Variants in UAP1L1 observed in about 807,000 individuals in gnomAD.
UAP1L1 encodes UDP-N-acetylhexosamine pyrophosphorylase-like protein 1.
UAP1L1 carries 45 observed loss-of-function variants against 45.3 expected under a neutral mutation model. The observed-to-expected ratio is 0.99, with a 90% CI of 0.78 to 1.27. The LOEUF (loss-of-function observed/expected upper bound fraction) is 1.27. Ranked by LOEUF, UAP1L1 falls within the 50% of genes most tolerant of loss-of-function variation. The pLI is 0.00. For synonymous variants in UAP1L1, 323 were observed against 303.9 expected (o/e 1.06, Z -0.65); for missense variants, 667 against 694.0 (o/e 0.96, Z 0.44).
Position 137,079,041 on chromosome 9 carries a change from G to A in UAP1L1, c.736G>A (p.Gly246Arg). The A allele has an allele frequency of 6.2e-7, 1 of 1,607,968 alleles. No individual in the cohort carries two copies. The change falls in exon 4 of 9, where the codon GGA (glycine) becomes AGA (arginine). Residue 246 changes from glycine to arginine, a missense_variant. Transcript: ENST00000409858. ...GATCCTGGAGGACATGGAGCGCCGG[G>A]GAGTGGAGTTTGTGCACGTGTACTG... ...HKILEDMERR[G>R]VEFVHVYCVD...
rs201606060 is a variant in UAP1L1 at position 137,082,101 on chromosome 9, T to A, written c.1431+37T>A. The stretch of plus-strand genomic sequence containing the variant: ...CCATCCCTATCTGGGGCTTTTCTGG[T>A]GTCAGGTTTGGAATACCATCTGGGG... On this transcript the variant is annotated intron_variant, in intron 8 of 8. Coordinates refer to ENST00000409858, the MANE Select transcript of UAP1L1 (RefSeq NM_207309.3). This position sits in a 1 kb window ranked among gnomAD's most constrained non-coding sequence, Gnocchi z 5.7. 2.5e-4 allele frequency: 398 copies of A among 1,606,938 alleles called. 1 individual carries two copies. The African/African-American group carries it at 5.1e-3, about 21-fold the overall frequency.
rs1437076858 is a variant in UAP1L1, at chr9:137,082,995, A to G, written c.*266A>G. 8.6e-6 allele frequency: 4 copies of G among 463,026 alleles called. No homozygotes were observed. The highest frequency in any genetic ancestry group is 7.8e-5 in the African/African-American group (4 of 51,178). 28.7% of individuals were successfully genotyped at this position (463,026 alleles called of 1,614,324 possible). A position where few individuals can be genotyped will look rare whatever the true frequency, so the allele number is the denominator to read the frequency against. On this transcript the variant is annotated 3_prime_UTR_variant, in exon 9 of 9. Coordinates refer to ENST00000409858, the MANE Select transcript of UAP1L1 (RefSeq NM_207309.3). This position sits in a 1 kb window ranked among gnomAD's most constrained non-coding sequence, Gnocchi z 5.7. ...AGCCTGCTGGGGGCTCTGTGGCTCCATTCCTGGCTGTGGGGTCTAGTCAAG... is the reference window on the plus strand; with the variant it reads ...AGCCTGCTGGGGGCTCTGTGGCTCCGTTCCTGGCTGTGGGGTCTAGTCAAG...
At chr9:137,078,834 A>G in intron 3 of UAP1L1, 142 bp from the exon 4 acceptor site, 1 of 1,302,226 alleles carries the variant, frequency 7.7e-7, no homozygotes, top group Middle Eastern at 2.7e-4. Context: ...GTCACATGGT[A>G]CACCAACTGG....
At chr9:137,079,667 C>T (rs1048420065) in intron 5 of UAP1L1, 5 of 595,146 alleles carry the variant, frequency 8.4e-6, no homozygotes, top group Non-Finnish European at 1.5e-5. Flanking sequence ...CAGCAGGCAG[C>T]TGCTGTAAGG....
Position 137,079,153 on chromosome 9 carries a change from G to T in UAP1L1, c.843+5G>T. Reference sequence around the variant, plus strand: ...GGCGCAGACTGTGGCGCCAAGGTTAGCGCCCGACTGCGCGGCGCCCCGCAC... The same window carrying T: ...GGCGCAGACTGTGGCGCCAAGGTTATCGCCCGACTGCGCGGCGCCCCGCAC... On this transcript the variant is annotated splice_donor_5th_base_variant and intron_variant, in intron 4 of 8. Transcript: ENST00000409858. The T allele has an allele frequency of 6.2e-7, 1 of 1,606,466 alleles. No homozygotes were observed. Among genetic ancestry groups the T allele is most frequent in the African/African-American group, 1.3e-5 (1 of 74,806 alleles).
At chr9:137,078,820 A>G (rs913296198) in intron 3 of UAP1L1, 143 bp downstream of exon 3, 24 of 1,310,004 alleles carry the variant, frequency 1.8e-5, no homozygotes, top group Non-Finnish European at 2.4e-5. Context: ...CTTGATCGTC[A>G]TTTGTCACAT....
rs1410243512 is a variant in UAP1L1 at position 137,077,756 on chromosome 9, C to T, written c.224C>T (p.Pro75Leu). The T allele has an allele frequency of 2.4e-6, 3 of 1,252,948 alleles. No homozygotes were observed. The highest frequency in any genetic ancestry group is 4.1e-5 in the Admixed American group (1 of 24,130). 77.6% of individuals were successfully genotyped at this position (1,252,948 alleles called of 1,614,324 possible). A position where few individuals can be genotyped will look rare whatever the true frequency, so the allele number is the denominator to read the frequency against. Residue 75 changes from proline (P) to leucine (L), a missense_variant, in exon 1 of 9, where the codon CCC becomes CTC. Physicochemically the swap from Pro to Leu is moderately conservative, Grantham distance 98. Transcript: ENST00000409858. This position sits in a 1 kb window ranked among gnomAD's most constrained non-coding sequence, Gnocchi z 4.7. Reference protein sequence around the residue: ...PDLAARLRPLPPERVGRASRS... With the variant: ...PDLAARLRPLLPERVGRASRS... Reference sequence around the variant, plus strand: ...TTGGCCGCGCGCCTGCGGCCCCTGCCCCCAGAGCGCGTGGGCAGGGCCAGC... The same window carrying T: ...TTGGCCGCGCGCCTGCGGCCCCTGCTCCCAGAGCGCGTGGGCAGGGCCAGC...
rs546119850 is a variant in UAP1L1, at chr9:137,082,167, G to A, written c.1431+103G>A. 84 of 1,150,166 alleles carry A rather than the reference G, an allele frequency of 7.3e-5. No individual in the cohort carries two copies. The highest frequency in any genetic ancestry group is 1.4e-4 in the East Asian group (6 of 42,618). 71.2% of individuals were successfully genotyped at this position (1,150,166 alleles called of 1,614,324 possible). A position where few individuals can be genotyped will look rare whatever the true frequency, so the allele number is the denominator to read the frequency against. On this transcript the variant is annotated intron_variant, in intron 8 of 8. Transcript: ENST00000409858. This position sits in a 1 kb window ranked among gnomAD's most constrained non-coding sequence, Gnocchi z 5.7. ...GGTGGAGACGGCACAGCTCTACCTC[G>A]GTTAACCAATGGGGTCGGTGGTTTA...
Position 137,078,145 on chromosome 9 carries a change from C to G in UAP1L1, c.385C>G (p.Arg129Gly), listed in dbSNP as rs1447197826. The G allele has an allele frequency of 4.5e-6, 7 of 1,550,182 alleles. No homozygotes were observed. In the South Asian group the frequency reaches 7.1e-5, roughly 16 times the overall value. The part of the protein sequence containing the change: ...LGVTYPKGMY[R>G]VGLPSRKTLY... ...CGTGACCTACCCCAAGGGTATGTAC[C>G]GTGTGGGGCTGCCCAGCCGGAAGAC... The change falls in exon 2 of 9, where the codon CGT becomes GGT. Residue 129 changes from arginine (R) to glycine (G), a missense_variant. Coordinates refer to ENST00000409858, the MANE Select transcript of UAP1L1 (RefSeq NM_207309.3).
intron 5 of UAP1L1, 172 bp downstream of exon 5, chr9:137,079,621 A>G: frequency 1.6e-6 from 1 of 640,220 alleles, no homozygotes; most frequent in Non-Finnish European, 2.6e-6. Flanking sequence ...GAGCTTGCAA[A>G]GGCAGAGGTG....
rs775701409 is a variant in UAP1L1 at position 137,078,242 on chromosome 9, G to C, written c.482G>C (p.Cys161Ser). 16 of 1,544,438 alleles carry C rather than the reference G, an allele frequency of 1.0e-5. No homozygotes were observed. The highest frequency in any genetic ancestry group is 5.9e-5 in the Admixed American group (3 of 50,752). Residue 161 changes from cysteine (C) to serine (S), a missense_variant, in exon 2 of 9, where the codon TGC (cysteine) becomes TCC (serine). Coordinates refer to ENST00000409858, the MANE Select transcript of UAP1L1 (RefSeq NM_207309.3). ...GCCGGTGAGCGCCACGGGACCCGCT[G>C]CACCGTCCCCTGGTGTGTCCTGCCT... ...QLAGERHGTR[C>S]TVPWYVMTSE...
chr9:137,081,953 T>G (rs1564268277), intron 7 of UAP1L1, 45 bp from the exon 8 acceptor site: 1 of 1,600,956 alleles, frequency 6.2e-7, no homozygotes, highest in Non-Finnish European at 8.6e-7. Flanking sequence ...GGGAGGGCTC[T>G]GGGCAGGTGC....
intron 6 of UAP1L1, chr9:137,080,474 G>A: frequency 1.6e-6 from 1 of 615,272 alleles, no homozygotes; most frequent in Non-Finnish European, 2.8e-6. Flanking sequence ...GGGGTCCCAG[G>A]GTTGGGCCTT....
chr9:137,079,261 G>A lies in UAP1L1; in HGVS notation c.849G>A (p.Val283=), dbSNP rs1832750909. Residue 283 remains valine, a synonymous_variant, in exon 5 of 9, where the codon GTG becomes GTA. Transcript: ENST00000409858. ...ATCCCTGGTCTTGGCTGCAGGTGGTGGAAAAGGCATACCCCGAGGAGCCCG... is the reference window on the plus strand; with the variant it reads ...ATCCCTGGTCTTGGCTGCAGGTGGTAGAAAAGGCATACCCCGAGGAGCCCG... The part of the protein sequence containing the change: ...LQGADCGAKV[V]EKAYPEEPVG... 1 of 1,608,912 alleles carries A rather than the reference G, an allele frequency of 6.2e-7. No individual in the cohort carries two copies. Among genetic ancestry groups the A allele is most frequent in the Non-Finnish European group, 8.5e-7 (1 of 1,177,300 alleles).
rs567890644 is a variant in UAP1L1, at chr9:137,077,755, C to T, written c.223C>T (p.Pro75Ser). Residue 75 changes from proline to serine, a missense_variant, in exon 1 of 9, where the codon CCC (proline) becomes TCC (serine). Physicochemically the swap from Pro to Ser is moderately conservative, Grantham distance 74 (BLOSUM62 -1). Transcript: ENST00000409858. The surrounding 1 kb of genome is among the most constrained non-coding windows in gnomAD (Gnocchi z 4.7). ...CTTGGCCGCGCGCCTGCGGCCCCTG[C>T]CCCCAGAGCGCGTGGGCAGGGCCAG... The part of the protein sequence containing the change: ...PDLAARLRPL[P>S]PERVGRASRS... 2.0e-5 allele frequency: 25 copies of T among 1,242,200 alleles called. No homozygotes were observed. The highest frequency in any genetic ancestry group is 1.3e-4 in the East Asian group (4 of 30,692). The allele number at this position is 1,242,200 out of a possible 1,614,324, so 76.9% of individuals were successfully genotyped here.
intron 6 of UAP1L1, 74 bp from the exon 7 acceptor site, chr9:137,080,615 C>A (rs1457734842): frequency 2.1e-6 from 3 of 1,449,032 alleles, no homozygotes; most frequent in Non-Finnish European, 2.8e-6. Flanking sequence ...TCACTGGAAA[C>A]CTGGCCCAGC....
Position 137,082,142 on chromosome 9 carries a change from G to A in UAP1L1, c.1431+78G>A, listed in dbSNP as rs1306952349. ...CCATCTGGGGAGAGGTGGCTGCTCG[G>A]GTGGAGACGGCACAGCTCTACCTCG... On this transcript the variant is annotated intron_variant, in intron 8 of 8. Transcript: ENST00000409858. The surrounding 1 kb of genome is among the most constrained non-coding windows in gnomAD (Gnocchi z 5.7). The A allele has an allele frequency of 1.4e-6, 2 of 1,389,392 alleles. No homozygotes were observed. The highest frequency in any genetic ancestry group is 2.3e-5 in the South Asian group (2 of 86,550). 86.1% of individuals were successfully genotyped at this position (1,389,392 alleles called of 1,614,324 possible).
Position 137,082,703 on chromosome 9 carries a change from A to G in UAP1L1, c.1498A>G (p.Arg500Gly). 6.4e-7 allele frequency: 1 copy of G among 1,550,890 alleles called. No homozygotes were observed. The highest frequency in any genetic ancestry group is 8.7e-7 in the Non-Finnish European group (1 of 1,147,242). ...GCTCATCCTGGATGAAGACCAGGCCAGGGAGCCGCAGCTGCAGGAGTCCTG... is the reference window on the plus strand; with the variant it reads ...GCTCATCCTGGATGAAGACCAGGCCGGGGAGCCGCAGCTGCAGGAGTCCTG... ...SPLILDEDQA[R>G]EPQLQES Residue 500 changes from arginine (R) to glycine (G), a missense_variant, in exon 9 of 9, where the codon AGG (arginine) becomes GGG (glycine). Physicochemically the swap from Arg to Gly is moderately radical, Grantham distance 125. Coordinates refer to ENST00000409858, the MANE Select transcript of UAP1L1 (RefSeq NM_207309.3). The surrounding 1 kb of genome is among the most constrained non-coding windows in gnomAD (Gnocchi z 5.7).
At chr9:137,078,740 G>T (rs1433100144) in intron 3 of UAP1L1, 63 bp downstream of exon 3, 5 of 1,527,708 alleles carry the variant, frequency 3.3e-6, no homozygotes, top group South Asian at 2.5e-5. Flanking sequence ...GTAGTTGGGG[G>T]TCCACGCGCC....
Sources: gnomAD v4.1 joint callset for allele counts on GRCh38, gnomAD v4.1.1 for gene constraint, Gnocchi (gnomAD v3.1) non-coding constraint, MANE v1.5 for transcripts, NCBI Gene and HGNC (gene_info 2026-07-23, HGNC 2026-07-21) for gene names.